The following GHR variants were observed in gnomAD, a reference collection of about 807,000 sequenced individuals.
The protein encoded by GHR is growth hormone receptor.
Under a neutral mutation model 67.1 loss-of-function variants are expected in GHR, and 35 were observed. The ratio of observed to expected loss-of-function variants is 0.52; its 90% CI spans 0.40 to 0.69. The LOEUF is 0.69. Ranked by LOEUF, GHR falls within the 30% of genes least tolerant of loss-of-function variation. GHR has a pLI of 0.00. For missense variants in GHR, 792 were observed against 764.6 expected, an observed-to-expected ratio of 1.04 and a Z score of -0.42; for synonymous variants, 272 against 269.1, an observed-to-expected ratio of 1.01 and a Z score of -0.10.
At chr5:42,611,236 G>A (rs1752874438) in intron 2 of GHR, among the ~76,000 whole-genome samples, 1 of 152,062 alleles carries the variant, frequency 6.6e-6, no homozygotes, top group African/African-American at 2.4e-5. Context: ...GCTCATGAGT[G>A]TAATGTGTCT....
At chr5:42,636,339 C>A (rs1754190890) in intron 3 of GHR, among the ~76,000 whole-genome samples, 1 of 152,002 alleles carries the variant, frequency 6.6e-6, no homozygotes, top group South Asian at 2.1e-4. Context: ...AAGCATAACA[C>A]ACATTTTTTA....
chr5:42,448,058 C>T (rs527961663), intron 1 of GHR, among the ~76,000 whole-genome samples: 3 of 152,044 alleles, frequency 2.0e-5, no homozygotes, highest in South Asian at 2.1e-4. Context: ...CACCATGCCC[C>T]GCACAAGTGT....
chr5:42,424,767 A>C lies in GHR; in HGVS notation c.-12+812A>C, dbSNP rs542290112. Among the ~76,000 whole-genome samples the C allele has an allele frequency of 2.0e-5, 3 of 152,350 alleles. No individual in the cohort carries two copies. The East Asian group carries it at 5.8e-4, about 30-fold the overall frequency. On this transcript the variant is annotated intron_variant, in intron 1 of 9. Coordinates refer to ENST00000230882, the MANE Select transcript of GHR (RefSeq NM_000163.5). This position sits in a 1 kb window ranked among gnomAD's most constrained non-coding sequence, Gnocchi z 4.1. Reference sequence around the variant, plus strand: ...CGGCGCAGAGGGTGCGGGGCAGGGCACTTGCGAGTGCGTGGGGAAGTCTAT... The same window carrying C: ...CGGCGCAGAGGGTGCGGGGCAGGGCCCTTGCGAGTGCGTGGGGAAGTCTAT...
chr5:42,676,082 C>T (rs939789840), intron 3 of GHR, among the ~76,000 whole-genome samples: 10 of 152,086 alleles, frequency 6.6e-5, no homozygotes, highest in African/African-American at 2.2e-4. Flanking sequence ...GTCAGGAGAT[C>T]GAGACCCTCC....
intron 1 of GHR, among the ~76,000 whole-genome samples, chr5:42,475,984 A>C (rs1435281808): frequency 6.7e-6 from 1 of 150,216 alleles, no homozygotes; most frequent in Non-Finnish European, 1.5e-5. Context: ...GGCTCACTGC[A>C]AGCTCCGCCT....
At chr5:42,658,321 G>C (rs1259560274) in intron 3 of GHR, among the ~76,000 whole-genome samples, 1 of 152,132 alleles carries the variant, frequency 6.6e-6, no homozygotes, top group Admixed American at 6.5e-5. Flanking sequence ...TCCCAGCTTT[G>C]CTACTTATTA....
Position 42,718,712 on chromosome 5 carries a change from A to G in GHR, c.1205A>G (p.Asn402Ser), listed in dbSNP as rs367760905. 4.3e-6 allele frequency: 7 copies of G among 1,614,114 alleles called. No homozygotes were observed. The highest frequency in any genetic ancestry group is 2.2e-5 in the East Asian group (1 of 44,902). Residue 402 changes from asparagine (N) to serine (S), a missense_variant, in exon 10 of 10, where the codon AAT becomes AGT. By Grantham distance (46) the Asn-to-Ser change is conservative. Transcript: ENST00000230882. ...ATTCTGGAGACTGATTTCAATGCCA[A>G]TGACATACATGAGGGTACCTCAGAG... ...PDILETDFNA[N>S]DIHEGTSEVA...
At chr5:42,435,520 T>G (rs1282059606) in intron 1 of GHR, among the ~76,000 whole-genome samples, 1 of 152,164 alleles carries the variant, frequency 6.6e-6, no homozygotes, top group Non-Finnish European at 1.5e-5. Context: ...TTTAAGTAAG[T>G]TTTTTATCTG....
intron 1 of GHR, among the ~76,000 whole-genome samples, chr5:42,444,231 A>G (rs796857528): frequency 8.5e-5 from 13 of 152,272 alleles, no homozygotes; most frequent in African/African-American, 3.1e-4. Context: ...TAAAATATGT[A>G]TATATAAAGA....
chr5:42,702,245 C>T (rs1301366286), intron 6 of GHR, among the ~76,000 whole-genome samples: 1 of 152,220 alleles, frequency 6.6e-6, no homozygotes, highest in East Asian at 1.9e-4. Context: ...ATTCAACTCT[C>T]TGCTTCTGAG....
intron 3 of GHR, among the ~76,000 whole-genome samples, chr5:42,644,656 A>G (rs1221440478): frequency 1.3e-5 from 2 of 152,076 alleles, no homozygotes; most frequent in Non-Finnish European, 2.9e-5. Flanking sequence ...GTTTTTTTAA[A>G]TGAGAAAGTT....
At chr5:42,709,901 G>A (rs1157723947) in intron 6 of GHR, among the ~76,000 whole-genome samples, 1 of 152,086 alleles carries the variant, frequency 6.6e-6, no homozygotes, top group Non-Finnish European at 1.5e-5. Context: ...TGTGGCTGGT[G>A]TGGAGGGTTG....
At position 42,565,884 on chromosome 5, in the gene GHR, T is replaced by C. The variant is rs34838342; in HGVS notation, c.10T>C (p.Trp4Arg). 1.6e-5 allele frequency: 26 copies of C among 1,613,890 alleles called. No individual in the cohort carries two copies. The highest frequency in any genetic ancestry group is 2.2e-5 in the Non-Finnish European group (26 of 1,179,852). Reference protein sequence around the residue: MDLWQLLLTLALAG... With the variant: MDLRQLLLTLALAG... ...TGCAGGTCCTACAGGTATGGATCTCTGGCAGCTGCTGTTGACCTTGGCACT... is the reference window on the plus strand; with the variant it reads ...TGCAGGTCCTACAGGTATGGATCTCCGGCAGCTGCTGTTGACCTTGGCACT... The change falls in exon 2 of 10, where the codon TGG becomes CGG. Residue 4 changes from tryptophan (W) to arginine (R), a missense_variant. Trp to Arg is a moderately radical substitution (Grantham distance 101). Transcript: ENST00000230882.
At chr5:42,587,058 A>C (rs1317645886) in intron 2 of GHR, among the ~76,000 whole-genome samples, 1 of 151,600 alleles carries the variant, frequency 6.6e-6, no homozygotes, top group Non-Finnish European at 1.5e-5. Flanking sequence ...AAAATTAACT[A>C]CAGCTGGGCT....
chr5:42,476,800 C>T (rs1745344600), intron 1 of GHR, among the ~76,000 whole-genome samples: 1 of 152,086 alleles, frequency 6.6e-6, no homozygotes, highest in African/African-American at 2.4e-5. Flanking sequence ...TCAGTAAAAC[C>T]CTGATAGGGG....
At chr5:42,467,231 C>A (rs1293860337) in intron 1 of GHR, 31 of 1,448,904 alleles carry the variant, frequency 2.1e-5, no homozygotes, top group Admixed American at 3.4e-5. Flanking sequence ...GGTTTCTCTG[C>A]AGTGTGAATT....
intron 3 of GHR, among the ~76,000 whole-genome samples, chr5:42,638,642 G>A (rs1055941098): frequency 5.9e-5 from 9 of 152,100 alleles, no homozygotes; most frequent in African/African-American, 1.7e-4. Flanking sequence ...TATTGTAATC[G>A]TATGGGACGA....
At chr5:42,635,610 G>A (rs773959615) in intron 3 of GHR, among the ~76,000 whole-genome samples, 10 of 152,072 alleles carry the variant, frequency 6.6e-5, no homozygotes, top group African/African-American at 1.2e-4. Context: ...ACACAAAATC[G>A]TTGAGAGGTA....
chr5:42,618,055 C>T (rs1450243275), intron 2 of GHR, among the ~76,000 whole-genome samples: 1 of 151,976 alleles, frequency 6.6e-6, no homozygotes, highest in African/African-American at 2.4e-5. Flanking sequence ...GGATACTTCT[C>T]AATAGAGCCG....
Sources: allele counts gnomAD v4.1 joint callset (sites outside exome capture counted in the v4.1 genomes callset), GRCh38; gene constraint gnomAD v4.1.1; non-coding constraint Gnocchi (gnomAD v3.1); transcripts MANE v1.5; gene names NCBI Gene and HGNC (gene_info 2026-07-23, HGNC 2026-07-21).